ANKS1B: variants seen among roughly 807,000 people sequenced by gnomAD.
ANKS1B encodes the protein ankyrin repeat and sterile alpha motif domain containing 1B, also known as ankyrin repeat and sterile alpha motif domain-containing protein 1B.
In ANKS1B, 36 loss-of-function variants were observed where a neutral mutation model predicts 148.3. The ratio of observed to expected loss-of-function variants is 0.24; its 90% CI spans 0.19 to 0.32. The LOEUF is 0.32. Among genes scored for constraint, ANKS1B ranks in the 10% least tolerant of loss-of-function variants. ANKS1B has a pLI of 1.00. For synonymous variants in ANKS1B, 542 were observed against 560.8 expected (o/e 0.97, Z 0.47); for missense variants, 1,157 against 1,542.6 (o/e 0.75, Z 4.19).
At chr12:98,948,029 G>A (rs2099848050) in intron 17 of ANKS1B, among the ~76,000 whole-genome samples, 1 of 151,832 alleles carries the variant, frequency 6.6e-6, no homozygotes, top group South Asian at 2.1e-4. Context: ...ATTCATGTTT[G>A]TAATTACAAA....
At chr12:98,824,803 G>A (rs1013727742) in intron 19 of ANKS1B, among the ~76,000 whole-genome samples, 6 of 152,152 alleles carry the variant, frequency 3.9e-5, no homozygotes, top group Admixed American at 1.3e-4. Flanking sequence ...GACACACTGT[G>A]CAGGGTCTCT....
At chr12:99,112,725 T>C (rs1227886161) in intron 15 of ANKS1B, among the ~76,000 whole-genome samples, 2 of 152,246 alleles carry the variant, frequency 1.3e-5, no homozygotes, top group Non-Finnish European at 2.9e-5. Context: ...GCTGGCATTA[T>C]GATCCACTAT....
At chr12:99,516,220 T>G (rs1229589231) in intron 9 of ANKS1B, among the ~76,000 whole-genome samples, 1 of 152,100 alleles carries the variant, frequency 6.6e-6, no homozygotes, top group African/African-American at 2.4e-5. Context: ...TCAAAAACTT[T>G]TTGCCCAGAC....
At chr12:99,377,959 T>C (rs1232106128) in intron 12 of ANKS1B, among the ~76,000 whole-genome samples, 1 of 152,222 alleles carries the variant, frequency 6.6e-6, no homozygotes, top group African/African-American at 2.4e-5. Context: ...TTTCACCTTA[T>C]AGATGGAATA....
chr12:99,334,848 A>G (rs1372839492), intron 12 of ANKS1B, among the ~76,000 whole-genome samples: 1 of 152,086 alleles, frequency 6.6e-6, no homozygotes, highest in Non-Finnish European at 1.5e-5. Context: ...TCAAGGGTGA[A>G]GTGAAATTTG....
chr12:99,400,014 A>T (rs914581649), intron 11 of ANKS1B, among the ~76,000 whole-genome samples: 1 of 152,172 alleles, frequency 6.6e-6, no homozygotes, highest in Non-Finnish European at 1.5e-5. Context: ...AGAAAATATT[A>T]TGGCATAGTT....
At chr12:99,420,553 C>A (rs773617464) in intron 11 of ANKS1B, among the ~76,000 whole-genome samples, 5 of 150,580 alleles carry the variant, frequency 3.3e-5, no homozygotes, top group Non-Finnish European at 5.9e-5. Context: ...TTAATTTTAG[C>A]TAACAAGTTC....
chr12:99,787,032 T>C (rs2065076355), intron 4 of ANKS1B, among the ~76,000 whole-genome samples: 1 of 152,124 alleles, frequency 6.6e-6, no homozygotes, highest in South Asian at 2.1e-4. Flanking sequence ...CAAATAGCAT[T>C]CTAGAAATAG....
At chr12:99,460,443 C>G (rs976992184) in intron 10 of ANKS1B, among the ~76,000 whole-genome samples, 1 of 152,060 alleles carries the variant, frequency 6.6e-6, no homozygotes, top group Non-Finnish European at 1.5e-5. Context: ...AAAGCTTCTG[C>G]ACAGCAAAAG....
At chr12:98,937,658 G>A (rs1467146664) in intron 17 of ANKS1B, among the ~76,000 whole-genome samples, 1 of 152,008 alleles carries the variant, frequency 6.6e-6, no homozygotes, top group Non-Finnish European at 1.5e-5. Flanking sequence ...GGCTTCCACT[G>A]TACTGTACAC....
intron 12 of ANKS1B, among the ~76,000 whole-genome samples, chr12:99,280,173 T>C (rs757428132): frequency 6.9e-6 from 1 of 145,712 alleles, no homozygotes; most frequent in Non-Finnish European, 1.5e-5. Flanking sequence ...TGTGTGTGTA[T>C]GTGTGTGTGT....
chr12:99,806,806 A>T, intron 3 of ANKS1B, 106 bp from the exon 4 acceptor site: 1 of 1,094,762 alleles, frequency 9.1e-7, no homozygotes, highest in Non-Finnish European at 1.3e-6. Flanking sequence ...GTAAGTTAAG[A>T]TTTATCCATT....
Position 99,702,724 on chromosome 12 carries a change from T to TGTAGAGGCAGAGTTTCCCTA in ANKS1B, c.1129-47515_1129-47514insTAGGGAAACTCTGCCTCTAC, listed in dbSNP as rs1445131509. On this transcript the variant is annotated intron_variant, in intron 8 of 26. Transcript: ENST00000683438. ...AACCCAGCTAATTTTTTTTTTTTTT[T>TGTAGAGGCAGAGTTTCCCTA]TGTAGAGGCAGAGTTTCCCTATGTT... Among the ~76,000 whole-genome samples, 367 of 111,248 alleles carry TGTAGAGGCAGAGTTTCCCTA rather than the reference T, an allele frequency of 3.3e-3. 1 individual carries two copies. Among genetic ancestry groups the TGTAGAGGCAGAGTTTCCCTA allele is most frequent in the Middle Eastern group, 0.016 (4 of 256 alleles). 73.0% of individuals were successfully genotyped at this position (111,248 alleles called of 152,430 possible).
At chr12:99,451,060 CA>C (rs1282566204) in intron 10 of ANKS1B, among the ~76,000 whole-genome samples, 2 of 152,232 alleles carry the variant, frequency 1.3e-5, no homozygotes, top group Admixed American at 6.5e-5. Context: ...TTCACATATG[CA>C]GTTACAAAAT....
intron 17 of ANKS1B, among the ~76,000 whole-genome samples, chr12:98,850,422 C>G (rs2099516356): frequency 6.8e-6 from 1 of 147,104 alleles, no homozygotes; most frequent in Admixed American, 6.8e-5. Context: ...CATTGTTTTC[C>G]ACAAAATGTA....
intron 1 of ANKS1B, among the ~76,000 whole-genome samples, chr12:99,956,253 G>C (rs902125724): frequency 6.8e-6 from 1 of 147,974 alleles, no homozygotes; most frequent in Non-Finnish European, 1.5e-5. Flanking sequence ...ACTCCAGCCT[G>C]AGTGACAGAG....
At chr12:99,868,040 T>G (rs1210951234) in intron 1 of ANKS1B, among the ~76,000 whole-genome samples, 1 of 152,184 alleles carries the variant, frequency 6.6e-6, no homozygotes, top group East Asian at 1.9e-4. Flanking sequence ...AGAAAAATCA[T>G]ATGATTATCT....
At chr12:99,414,639 C>T (rs751582484) in intron 11 of ANKS1B, among the ~76,000 whole-genome samples, 6 of 152,038 alleles carry the variant, frequency 3.9e-5, no homozygotes, top group Admixed American at 6.6e-5. Context: ...AATTAGAACA[C>T]GTGGACACAG....
chr12:99,726,383 G>C (rs1480660025), intron 8 of ANKS1B, among the ~76,000 whole-genome samples: 2 of 152,210 alleles, frequency 1.3e-5, no homozygotes, highest in Non-Finnish European at 2.9e-5. Context: ...AGAAAATCTA[G>C]AAGAAATGGA....
Sources: gnomAD v4.1 joint callset for allele counts (sites outside exome capture counted in the v4.1 genomes callset) on GRCh38, gnomAD v4.1.1 for gene constraint, MANE v1.5 for transcripts, NCBI Gene and HGNC (gene_info 2026-07-23, HGNC 2026-07-21) for gene names.